PIK3C2G: variants seen among roughly 807,000 people sequenced by gnomAD.
PIK3C2G encodes phosphatidylinositol 3-kinase C2 domain-containing subunit gamma.
Under a neutral mutation model 181.1 loss-of-function variants are expected in PIK3C2G, and 168 were observed. That is an observed-to-expected ratio of 0.93 (90% CI 0.82 to 1.05). PIK3C2G has a LOEUF of 1.05. Ranked by LOEUF, PIK3C2G falls within the 50% of genes least tolerant of loss-of-function variation. The pLI is 0.00. For synonymous variants in PIK3C2G, 573 were observed against 592.2 expected, an observed-to-expected ratio of 0.97 and a Z score of 0.47; for missense variants, 1,869 against 1,732.8, an observed-to-expected ratio of 1.08 and a Z score of -1.40.
At chr12:18,253,415 G>GGTATGTGAA (rs1948114013) in intron 1 of PIK3C2G, among the ~76,000 whole-genome samples, 1 of 152,104 alleles carries the variant, frequency 6.6e-6, no homozygotes, top group Admixed American at 6.6e-5. Context: ...AAGAAGCAAA[G>GGTATGTGAA]GTATGTGAAT....
At chr12:18,371,636 T>C (rs1236748083) in intron 13 of PIK3C2G, among the ~76,000 whole-genome samples, 1 of 152,172 alleles carries the variant, frequency 6.6e-6, no homozygotes, top group Non-Finnish European at 1.5e-5. Context: ...ATTAATATTG[T>C]CATTTAGAAA....
chr12:18,595,475 A>T (rs1947311033), intron 30 of PIK3C2G, among the ~76,000 whole-genome samples: 1 of 152,160 alleles, frequency 6.6e-6, no homozygotes, highest in African/African-American at 2.4e-5. Flanking sequence ...GTATCTAGGC[A>T]CCTGACTTAG....
intron 14 of PIK3C2G, among the ~76,000 whole-genome samples, chr12:18,382,174 C>A (rs1942886179): frequency 6.6e-6 from 1 of 152,080 alleles, no homozygotes; most frequent in African/African-American, 2.4e-5. Context: ...CATTTTCTTT[C>A]TATTGTCTAA....
chr12:18,303,107 TTTCTTTCC>T (rs1950250672), intron 5 of PIK3C2G, among the ~76,000 whole-genome samples: 5 of 87,344 alleles, frequency 5.7e-5, no homozygotes, highest in Admixed American at 5.3e-4. Context: ...TTTCTCTTTC[TTTCTTTCC>T]TTCTTTCTTT....
At chr12:18,695,456 T>G in the PIK3C2G span, among the ~76,000 whole-genome samples, 1 of 152,114 alleles carries the variant, frequency 6.6e-6, no homozygotes, top group Admixed American at 6.5e-5. Flanking sequence ...AATTTTCAAG[T>G]CCATGAGATG....
the PIK3C2G span, among the ~76,000 whole-genome samples, chr12:18,661,515 T>C: frequency 2.0e-5 from 3 of 152,076 alleles, no homozygotes; most frequent in Admixed American, 6.6e-5. Context: ...AAAACTGTCC[T>C]TCATAAATAA....
rs766110014 is a variant in PIK3C2G, at chr12:18,282,273, T to G, written c.192T>G (p.Phe64Leu). Reference sequence around the variant, plus strand: ...GTGAAATTGATGAAAACACCTTTTTTGTGCCCACTGCACCAAAATGGGACT... The same window carrying G: ...GTGAAATTGATGAAAACACCTTTTTGGTGCCCACTGCACCAAAATGGGACT... ...YESEIDENTF[F>L]VPTAPKWDST... Residue 64 changes from phenylalanine (F) to leucine (L), a missense_variant, in exon 2 of 33, where the codon TTT becomes TTG. By Grantham distance (22) the Phe-to-Leu change is conservative. Transcript: ENST00000538779. 6.2e-7 allele frequency: 1 copy of G among 1,613,352 alleles called. No homozygotes were observed.
At chr12:18,631,916 C>G (rs1209342836) in intron 31 of PIK3C2G, among the ~76,000 whole-genome samples, 3 of 152,144 alleles carry the variant, frequency 2.0e-5, no homozygotes, top group Non-Finnish European at 4.4e-5. Context: ...AGGCTGGGAT[C>G]CTAGGGATCA....
intron 24 of PIK3C2G, among the ~76,000 whole-genome samples, chr12:18,510,193 A>T (rs767363609): frequency 8.6e-5 from 13 of 152,020 alleles, no homozygotes; most frequent in Non-Finnish European, 1.6e-4. Flanking sequence ...CTGGTCTTCA[A>T]CTCCTAGGCT....
intron 18 of PIK3C2G, among the ~76,000 whole-genome samples, chr12:18,466,496 G>C (rs1937898048): frequency 1.3e-5 from 2 of 151,782 alleles, no homozygotes; most frequent in South Asian, 4.1e-4. Flanking sequence ...TTTTTAAAAG[G>C]AAGTTTTACA....
intron 18 of PIK3C2G, among the ~76,000 whole-genome samples, chr12:18,431,571 GCTCT>G (rs1264017375): frequency 1.3e-5 from 2 of 152,144 alleles, no homozygotes; most frequent in African/African-American, 4.8e-5. Context: ...GGAGGTAAAT[GCTCT>G]CTCTTTTTGT....
At chr12:18,565,964 A>G (rs1205913188) in intron 28 of PIK3C2G, among the ~76,000 whole-genome samples, 5 of 152,140 alleles carry the variant, frequency 3.3e-5, no homozygotes, top group African/African-American at 1.2e-4. Flanking sequence ...CTATCTATCT[A>G]TCTTCTATGC....
chr12:18,378,189 C>T (rs1216257003), intron 13 of PIK3C2G, among the ~76,000 whole-genome samples: 3 of 152,132 alleles, frequency 2.0e-5, no homozygotes, highest in African/African-American at 7.2e-5. Context: ...GCTTAGACCA[C>T]TCAGATTTCT....
At chr12:18,364,266 C>T (rs1445470661) in intron 12 of PIK3C2G, among the ~76,000 whole-genome samples, 1 of 152,212 alleles carries the variant, frequency 6.6e-6, no homozygotes, top group Non-Finnish European at 1.5e-5. Flanking sequence ...CAGGCCTCTG[C>T]CAGGGATCCT....
chr12:18,423,570 G>GC (rs1370068524), intron 17 of PIK3C2G, among the ~76,000 whole-genome samples: 9 of 152,050 alleles, frequency 5.9e-5, no homozygotes, highest in Admixed American at 5.9e-4. Context: ...TTCTGTTAAG[G>GC]CTTTGAATGT....
At chr12:18,258,655 A>G (rs769958051), upstream of PIK3C2G, among the ~76,000 whole-genome samples, 3 of 150,218 alleles carry the variant, frequency 2.0e-5, no homozygotes, top group African/African-American at 7.4e-5. Flanking sequence ...TCTATTATAT[A>G]TATGTACTCA....
chr12:18,297,351 C>A (rs1032524946), intron 5 of PIK3C2G, among the ~76,000 whole-genome samples: 1 of 151,954 alleles, frequency 6.6e-6, no homozygotes, highest in East Asian at 1.9e-4. Context: ...AACCAAAAAA[C>A]CACTCCAGTG....
chr12:18,557,204 A>G (rs1945057606), intron 26 of PIK3C2G, among the ~76,000 whole-genome samples: 1 of 152,100 alleles, frequency 6.6e-6, no homozygotes, highest in East Asian at 1.9e-4. Context: ...TGGGGAAAAG[A>G]TAGTATCTTC....
At chr12:18,512,674 T>C (rs1030394530) in intron 24 of PIK3C2G, among the ~76,000 whole-genome samples, 1 of 152,014 alleles carries the variant, frequency 6.6e-6, no homozygotes, top group African/African-American at 2.4e-5. Flanking sequence ...TGAATTCCTT[T>C]ATCAGTTCTA....
Sources: gnomAD v4.1 joint callset for allele counts (sites outside exome capture counted in the v4.1 genomes callset) on GRCh38, gnomAD v4.1.1 for gene constraint, MANE v1.5 for transcripts, NCBI Gene and HGNC (gene_info 2026-07-23, HGNC 2026-07-21) for gene names.